The following ROBO1 variants were observed in gnomAD, a reference collection of about 807,000 sequenced individuals.
ROBO1 encodes roundabout homolog 1.
In ROBO1, 149 loss-of-function variants were observed where a neutral mutation model predicts 195.9. The observed-to-expected ratio is 0.76, with a 90% CI of 0.67 to 0.87. ROBO1 has a LOEUF of 0.87. Among genes scored for constraint, ROBO1 ranks in the 40% least tolerant of loss-of-function variants. The probability of loss-of-function intolerance (pLI) is 0.00; values close to 1 mark genes in which losing one functional copy is unlikely to be tolerated. For missense variants in ROBO1, 1,933 were observed against 2,068.3 expected (o/e 0.93, Z 1.27); for synonymous variants, 816 against 733.2 (o/e 1.11, Z -1.82).
intron 2 of ROBO1, among the ~76,000 whole-genome samples, chr3:79,428,017 G>A (rs531875413): frequency 1.3e-5 from 2 of 152,122 alleles, no homozygotes; most frequent in East Asian, 3.9e-4. Context: ...CATAGAATGA[G>A]AGAAAATATT....
intron 2 of ROBO1, among the ~76,000 whole-genome samples, chr3:79,173,025 G>C (rs1265666658): frequency 6.6e-6 from 1 of 152,130 alleles, no homozygotes; most frequent in East Asian, 1.9e-4. Flanking sequence ...AACACTGAAG[G>C]CTCTTTAAGT....
chr3:79,713,452 T>G (rs540263493), intron 1 of ROBO1, among the ~76,000 whole-genome samples: 1 of 152,220 alleles, frequency 6.6e-6, no homozygotes, highest in Admixed American at 6.5e-5. Flanking sequence ...GAACAAAGGT[T>G]TGGAAGGAGT....
chr3:78,634,672 A>T (rs530947198), intron 23 of ROBO1: 1 of 157,626 alleles, frequency 6.3e-6, no homozygotes, highest in East Asian at 1.9e-4. Flanking sequence ...TCACCACTGC[A>T]AACTCCATGA....
At chr3:79,356,539 T>TC (rs2035561860) in intron 2 of ROBO1, among the ~76,000 whole-genome samples, 1 of 152,178 alleles carries the variant, frequency 6.6e-6, no homozygotes, top group Non-Finnish European at 1.5e-5. Flanking sequence ...AATACTGACA[T>TC]CCCTCCATTA....
intron 4 of ROBO1, among the ~76,000 whole-genome samples, chr3:78,832,138 C>CA (rs1559902671): frequency 6.6e-6 from 1 of 151,844 alleles, no homozygotes; most frequent in South Asian, 2.1e-4. Context: ...ATTTTCAAAA[C>CA]AAAAAAGAGT....
chr3:78,838,702 C>T (rs1041604786), intron 4 of ROBO1, among the ~76,000 whole-genome samples: 7 of 151,486 alleles, frequency 4.6e-5, no homozygotes, highest in Non-Finnish European at 8.8e-5. Flanking sequence ...GGGAAGCACC[C>T]CCGCCCTACC....
At chr3:78,667,281 T>G (rs917686411) in intron 14 of ROBO1, among the ~76,000 whole-genome samples, 3 of 152,126 alleles carry the variant, frequency 2.0e-5, no homozygotes, top group African/African-American at 7.2e-5. Flanking sequence ...TTTTTAAAAT[T>G]TATGGGTACT....
At chr3:79,187,529 T>C (rs935637637) in intron 2 of ROBO1, among the ~76,000 whole-genome samples, 2 of 152,054 alleles carry the variant, frequency 1.3e-5, no homozygotes, top group Admixed American at 1.3e-4. Context: ...GAATAAATTT[T>C]GTCCAACACT....
At chr3:78,657,909 G>A (rs1248638774) in intron 17 of ROBO1, among the ~76,000 whole-genome samples, 1 of 152,160 alleles carries the variant, frequency 6.6e-6, no homozygotes, top group African/African-American at 2.4e-5. Context: ...CTCATCTCAG[G>A]ATTTTATTCA....
intron 29 of ROBO1, among the ~76,000 whole-genome samples, chr3:78,605,864 A>G (rs1453075926): frequency 6.6e-6 from 1 of 152,036 alleles, no homozygotes; most frequent in African/African-American, 2.4e-5. Context: ...ATTTCAACTT[A>G]CCTTTGAACA....
intron 1 of ROBO1, among the ~76,000 whole-genome samples, chr3:79,765,865 C>T (rs1207801940): frequency 6.6e-6 from 1 of 152,104 alleles, no homozygotes; most frequent in East Asian, 1.9e-4. Flanking sequence ...CCCGGGTTGA[C>T]AAGCAACCTC....
At chr3:79,263,431 A>G (rs1486562175) in intron 2 of ROBO1, among the ~76,000 whole-genome samples, 1 of 152,002 alleles carries the variant, frequency 6.6e-6, no homozygotes, top group Non-Finnish European at 1.5e-5. Context: ...GGAAAACAGC[A>G]TGAGGACAAG....
intron 24 of ROBO1, among the ~76,000 whole-genome samples, chr3:78,633,037 C>T (rs1352936422): frequency 6.6e-6 from 1 of 152,128 alleles, no homozygotes; most frequent in Non-Finnish European, 1.5e-5. Context: ...CTAGACAATG[C>T]CAGACCAGCG....
chr3:78,680,294 A>G (rs922253177), intron 10 of ROBO1, among the ~76,000 whole-genome samples: 18 of 152,314 alleles, frequency 1.2e-4, no homozygotes, highest in African/African-American at 4.1e-4. Context: ...TGTCTAAAAC[A>G]CCAAAAGCAA....
chr3:79,605,078 C>T (rs1273510089), intron 1 of ROBO1, among the ~76,000 whole-genome samples: 1 of 151,932 alleles, frequency 6.6e-6, no homozygotes, highest in Non-Finnish European at 1.5e-5. Flanking sequence ...GAACTTCTTA[C>T]TAAGGTAGCT....
At chr3:78,791,738 G>T (rs552012434) in intron 4 of ROBO1, among the ~76,000 whole-genome samples, 1 of 152,276 alleles carries the variant, frequency 6.6e-6, no homozygotes, top group African/African-American at 2.4e-5. Context: ...TGGTTTAATA[G>T]AAGGAGCCCT....
intron 3 of ROBO1, among the ~76,000 whole-genome samples, chr3:79,052,474 G>A (rs867642903): frequency 3.3e-5 from 5 of 151,956 alleles, no homozygotes; most frequent in Admixed American, 6.6e-5. Flanking sequence ...CTCTCTGCCC[G>A]TGTGATATTT....
intron 2 of ROBO1, among the ~76,000 whole-genome samples, chr3:79,271,869 C>A (rs902528636): frequency 2.0e-5 from 3 of 151,998 alleles, no homozygotes; most frequent in South Asian, 2.1e-4. Flanking sequence ...TCATTATTGA[C>A]CTTTAAAATT....
At chr3:79,294,842 A>G (rs2032488953) in intron 2 of ROBO1, among the ~76,000 whole-genome samples, 1 of 152,186 alleles carries the variant, frequency 6.6e-6, no homozygotes, top group Non-Finnish European at 1.5e-5. Context: ...AACTAACATG[A>G]AAAAAAGCTC....
Sources: gnomAD v4.1 joint callset for allele counts (sites outside exome capture counted in the v4.1 genomes callset) on GRCh38, gnomAD v4.1.1 for gene constraint, MANE v1.5 for transcripts, NCBI Gene and HGNC (gene_info 2026-07-23, HGNC 2026-07-21) for gene names.